RAD51B: variants seen among roughly 807,000 people sequenced by gnomAD.
RAD51B encodes RAD51 paralog B.
RAD51B carries 38 observed loss-of-function variants against 42.2 expected under a neutral mutation model. The observed-to-expected ratio is 0.90, with a 90% CI of 0.70 to 1.18. The LOEUF (loss-of-function observed/expected upper bound fraction) is 1.18. Ranked by LOEUF, RAD51B falls within the 50% of genes most tolerant of loss-of-function variation. The probability of loss-of-function intolerance (pLI) is 0.00; values close to 1 mark genes in which losing one functional copy is unlikely to be tolerated. For synonymous variants in RAD51B, 154 were observed against 145.2 expected, an observed-to-expected ratio of 1.06 and a Z score of -0.43; for missense variants, 373 against 400.7, an observed-to-expected ratio of 0.93 and a Z score of 0.59.
intron 10 of RAD51B, among the ~76,000 whole-genome samples, chr14:68,609,016 T>C (rs1454627660): frequency 6.6e-6 from 1 of 152,148 alleles, no homozygotes; most frequent in Non-Finnish European, 1.5e-5. Flanking sequence ...CCTGAGACCT[T>C]GGCTGCTGAT....
chr14:68,256,786 C>T (rs1427481036), intron 7 of RAD51B, among the ~76,000 whole-genome samples: 1 of 152,064 alleles, frequency 6.6e-6, no homozygotes, highest in Non-Finnish European at 1.5e-5. Flanking sequence ...GTTCTGAAAC[C>T]CGATACAAAA....
chr14:68,306,402 C>G (rs2081862765), intron 8 of RAD51B, among the ~76,000 whole-genome samples: 2 of 152,208 alleles, frequency 1.3e-5, no homozygotes, highest in Admixed American at 1.3e-4. Context: ...ACAAATGAAA[C>G]TTCACCTAGC....
intron 7 of RAD51B, among the ~76,000 whole-genome samples, chr14:68,237,791 A>G (rs2140995541): frequency 7.7e-6 from 1 of 129,370 alleles, no homozygotes; most frequent in South Asian, 2.3e-4. Context: ...GCTGGAGTGC[A>G]GTGGTGCAAT....
At chr14:67,897,243 A>G (rs1363650307) in intron 7 of RAD51B, among the ~76,000 whole-genome samples, 5 of 152,206 alleles carry the variant, frequency 3.3e-5, no homozygotes, top group Non-Finnish European at 7.3e-5. Context: ...AAATAGACAA[A>G]TGGAACTATG....
chr14:67,962,196 G>A (rs2074684162), intron 7 of RAD51B, among the ~76,000 whole-genome samples: 1 of 152,116 alleles, frequency 6.6e-6, no homozygotes, highest in Admixed American at 6.5e-5. Flanking sequence ...AAAGATGAAA[G>A]CAATTTGGTT....
intron 7 of RAD51B, among the ~76,000 whole-genome samples, chr14:68,169,839 A>G (rs2078832967): frequency 6.6e-6 from 1 of 152,200 alleles, no homozygotes. Flanking sequence ...TGTTCACCTT[A>G]CAGTAGTGTC....
At chr14:68,175,839 C>T (rs1467769513) in intron 7 of RAD51B, among the ~76,000 whole-genome samples, 1 of 152,198 alleles carries the variant, frequency 6.6e-6, no homozygotes, top group African/African-American at 2.4e-5. Flanking sequence ...CCTCTCTCAG[C>T]CTCCATTTCC....
intron 10 of RAD51B, among the ~76,000 whole-genome samples, chr14:68,542,135 A>AATTAG (rs1888000893): frequency 1.3e-5 from 2 of 152,230 alleles, no homozygotes; most frequent in South Asian, 4.1e-4. Flanking sequence ...ATGGCTTCAT[A>AATTAG]CTGTCATTAG....
At chr14:68,450,579 T>C (rs2085535547) in intron 9 of RAD51B, among the ~76,000 whole-genome samples, 1 of 152,102 alleles carries the variant, frequency 6.6e-6, no homozygotes, top group South Asian at 2.1e-4. Flanking sequence ...TGAAGGGCCC[T>C]CGGGGAGAGA....
intron 7 of RAD51B, among the ~76,000 whole-genome samples, chr14:67,894,291 G>A (rs1303268388): frequency 6.6e-6 from 1 of 152,170 alleles, no homozygotes; most frequent in African/African-American, 2.4e-5. Flanking sequence ...GGCTGCAAGT[G>A]CCTCAGAAGG....
intron 8 of RAD51B, among the ~76,000 whole-genome samples, chr14:68,313,518 G>A (rs931592645): frequency 9.2e-5 from 14 of 152,036 alleles, no homozygotes; most frequent in Admixed American, 2.0e-4. Flanking sequence ...CTTTAGTTCC[G>A]CTGCTGTCTG....
At chr14:68,645,850 G>A (rs760475699) in intron 10 of RAD51B, among the ~76,000 whole-genome samples, 42 of 151,978 alleles carry the variant, frequency 2.8e-4, no homozygotes, top group Non-Finnish European at 5.9e-4. Flanking sequence ...AAGTAAAATT[G>A]CAACAGAGAA....
At chr14:68,647,333 A>T (rs1892582603) in intron 10 of RAD51B, among the ~76,000 whole-genome samples, 1 of 152,216 alleles carries the variant, frequency 6.6e-6, no homozygotes, top group African/African-American at 2.4e-5. Flanking sequence ...GATAGATGAC[A>T]CCCTTGTTTT....
intron 10 of RAD51B, among the ~76,000 whole-genome samples, chr14:68,624,964 C>A (rs1892042808): frequency 6.6e-6 from 1 of 152,148 alleles, no homozygotes; most frequent in Non-Finnish European, 1.5e-5. Flanking sequence ...CCAGGAGGAT[C>A]TTATGAAATC....
rs1298543738 is a variant in RAD51B at position 68,425,975 on chromosome 14, T to TCTTCCTTC, written c.957+14476_957+14483dup. 1.8e-3 allele frequency among the ~76,000 whole-genome samples: 157 copies of TCTTCCTTC among 86,050 alleles called. 1 individual carries two copies. Among genetic ancestry groups the TCTTCCTTC allele is most frequent in the Non-Finnish European group, 2.8e-3 (112 of 40,574 alleles). The allele number at this position is 86,050 out of a possible 152,430, so 56.5% of individuals were successfully genotyped here. On this transcript the variant is annotated intron_variant, in intron 9 of 10. Coordinates refer to ENST00000471583, the MANE Select transcript of RAD51B (RefSeq NM_133510.4). ...TTCTTTCTTTCTTTCTTTCTTTCTT[T>TCTTCCTTC]CTTCCTTCCTTCCTTCCTTCCTTCC...
At chr14:68,673,703 A>C (rs111174105) in intron 11 of RAD51B, among the ~76,000 whole-genome samples, 115 of 152,144 alleles carry the variant, frequency 7.6e-4, no homozygotes, top group African/African-American at 2.7e-3. Context: ...ACACATACAC[A>C]TACTGTACAC....
At chr14:68,658,703 C>T (rs1892871641) in intron 11 of RAD51B, among the ~76,000 whole-genome samples, 1 of 152,190 alleles carries the variant, frequency 6.6e-6, no homozygotes. Context: ...TGCCCCACAC[C>T]CCACCAGATC....
intron 10 of RAD51B, among the ~76,000 whole-genome samples, chr14:68,587,711 C>G (rs963172533): frequency 2.0e-5 from 3 of 152,092 alleles, no homozygotes; most frequent in African/African-American, 7.2e-5. Flanking sequence ...AAGCAGGCCT[C>G]CGCCAGCCTT....
intron 9 of RAD51B, among the ~76,000 whole-genome samples, chr14:68,462,735 G>A (rs1483883600): frequency 6.6e-6 from 1 of 152,170 alleles, no homozygotes. Flanking sequence ...GGTAAAGAGA[G>A]GAGAAAGTGT....
Sources: allele counts gnomAD v4.1 joint callset (sites outside exome capture counted in the v4.1 genomes callset), GRCh38; gene constraint gnomAD v4.1.1; transcripts MANE v1.5; gene names NCBI Gene and HGNC (gene_info 2026-07-23, HGNC 2026-07-21).